NDUFS2: variants seen among roughly 807,000 people sequenced by gnomAD.
NDUFS2 encodes the protein NADH dehydrogenase [ubiquinone] iron-sulfur protein 2, mitochondrial.
NDUFS2 carries 38 observed loss-of-function variants against 69.6 expected under a neutral mutation model. That is an observed-to-expected ratio of 0.55 (90% CI 0.42 to 0.72). The LOEUF (loss-of-function observed/expected upper bound fraction) is 0.72, where lower values mean the gene tolerates loss of function less well. Ranked by LOEUF, NDUFS2 falls within the 30% of genes least tolerant of loss-of-function variation. The probability of loss-of-function intolerance (pLI) is 0.00; values close to 1 mark genes in which losing one functional copy is unlikely to be tolerated. For missense variants in NDUFS2, 468 were observed against 595.0 expected (o/e 0.79, Z 2.22); for synonymous variants, 194 against 211.2 (o/e 0.92, Z 0.70).
At chr1:161,198,239 C>A (rs780270695), upstream of NDUFS2, 14 of 1,613,956 alleles carry the variant, frequency 8.7e-6, no homozygotes, top group African/African-American at 1.9e-4. The surrounding 1 kb of genome is among the most constrained non-coding windows in gnomAD (Gnocchi z 4.7). Context: ...ATTGATGGTG[C>A]CAGTCAGGTA....
intron 6 of NDUFS2, 54 bp from the exon 7 acceptor site, chr1:161,210,057 C>T: frequency 1.3e-6 from 2 of 1,595,208 alleles, no homozygotes; most frequent in Non-Finnish European, 1.7e-6. Context: ...GCTGAGAGGG[C>T]TCTCCTTAGT....
chr1:161,210,289 T>C lies in NDUFS2; in HGVS notation c.781-15T>C, dbSNP rs1203951946. 1 of 1,612,916 alleles carries C rather than the reference T, an allele frequency of 6.2e-7. No homozygotes were observed. Among genetic ancestry groups the C allele is most frequent in the Admixed American group, 1.7e-5 (1 of 60,022 alleles). On this transcript the variant is annotated splice_polypyrimidine_tract_variant and intron_variant, in intron 7 of 13. Coordinates refer to ENST00000676972, the MANE Select transcript of NDUFS2 (RefSeq NM_001377299.1). ...TGAGGAAGAGTATTAACACACCAGT[T>C]TTCTTGATCAATAGTTGCTGACCAA...
intron 1 of NDUFS2, among the ~76,000 whole-genome samples, chr1:161,202,807 A>T (rs1665219299): frequency 6.6e-6 from 1 of 152,190 alleles, no homozygotes. Flanking sequence ...ACCTTGAACA[A>T]ACACTTTTCT....
rs1665817524 is a variant in NDUFS2, at chr1:161,212,357, G to A, written c.993G>A (p.Leu331=). 1 of 1,613,328 alleles carries A rather than the reference G, an allele frequency of 6.2e-7. No individual in the cohort carries two copies. Among genetic ancestry groups the A allele is most frequent in the Admixed American group, 1.7e-5 (1 of 59,968 alleles). The change falls in exon 10 of 14, where the codon CTG becomes CTA. Residue 331 remains leucine (L), a synonymous_variant. Coordinates refer to ENST00000676972, the MANE Select transcript of NDUFS2 (RefSeq NM_001377299.1). The part of the protein sequence containing the change: ...GSRGDCYDRY[L]CRVEEMRQSL... Reference sequence around the variant, plus strand: ...TCTGTCTCATCTTCTTGAGGTACCTGTGCCGGGTGGAGGAGATGCGCCAGT... The same window carrying A: ...TCTGTCTCATCTTCTTGAGGTACCTATGCCGGGTGGAGGAGATGCGCCAGT...
At chr1:161,210,492 A>T in intron 8 of NDUFS2, 99 bp from the exon 9 acceptor site, 7 of 1,605,914 alleles carry the variant, frequency 4.4e-6, no homozygotes, top group Non-Finnish European at 6.0e-6. Context: ...TCCTAGTCAT[A>T]CCCTGAATGT....
chr1:161,207,726 C>T (rs1465082954), intron 3 of NDUFS2, among the ~76,000 whole-genome samples: 1 of 146,354 alleles, frequency 6.8e-6, no homozygotes, highest in Non-Finnish European at 1.5e-5. Context: ...AAGACTGTGT[C>T]TCAAAAAAAA....
At position 161,214,383 on chromosome 1, in the gene NDUFS2, C is replaced by T. The variant is rs1432504869; in HGVS notation, c.*190C>T. The T allele has an allele frequency of 1.6e-6, 1 of 643,858 alleles. No individual in the cohort carries two copies. The highest frequency in any genetic ancestry group is 2.7e-6 in the Non-Finnish European group (1 of 365,976). The allele number at this position is 643,858 out of a possible 1,614,324, so 39.9% of individuals were successfully genotyped here. On this transcript the variant is annotated 3_prime_UTR_variant, in exon 14 of 14. Coordinates refer to ENST00000676972, the MANE Select transcript of NDUFS2 (RefSeq NM_001377299.1). ...TATAATAAATTAGCCGTCTTGCGGC[C>T]CCTAGGCCTAAACTTCTGGTATCTT...
upstream of NDUFS2, chr1:161,202,030 G>C (rs1665153204): frequency 2.5e-6 from 1 of 402,620 alleles, no homozygotes; most frequent in Admixed American, 3.6e-5. Flanking sequence ...CGGCCAAGGC[G>C]GAAGGGAGTA....
rs1211751012 is a variant in NDUFS2 at position 161,214,343 on chromosome 1, T to C, written c.*150T>C. 1.3e-6 allele frequency: 1 copy of C among 785,524 alleles called. No individual in the cohort carries two copies. 48.7% of individuals were successfully genotyped at this position (785,524 alleles called of 1,614,324 possible). ...GCTGTCAGGCTTTCTGTGCATGTAC[T>C]AAAAAAGGAGAAATTATAATAAATT... On this transcript the variant is annotated 3_prime_UTR_variant, in exon 14 of 14. Coordinates refer to ENST00000676972, the MANE Select transcript of NDUFS2 (RefSeq NM_001377299.1).
chr1:161,202,163 C>G (rs74124661), upstream of NDUFS2: 849 of 600,010 alleles, frequency 1.4e-3, 5 homozygotes, highest in African/African-American at 0.014. Context: ...CAGCCAGGAG[C>G]TGTGGGAGGA....
chr1:161,206,724 T>C, intron 3 of NDUFS2, 127 bp downstream of exon 3: 1 of 1,022,088 alleles, frequency 9.8e-7, no homozygotes, highest in Non-Finnish European at 1.4e-6. Context: ...TTGAGATTAC[T>C]CTTGGTTGGG....
chr1:161,206,356 G>A, intron 2 of NDUFS2, 51 bp from the exon 3 acceptor site: 2 of 1,591,206 alleles, frequency 1.3e-6, no homozygotes, highest in African/African-American at 1.3e-5. Context: ...TATCTTTTGG[G>A]GGATCCCAAG....
At position 161,209,580 on chromosome 1, in the gene NDUFS2, T is replaced by G. The variant is rs1665657970; in HGVS notation, c.612T>G (p.Phe204Leu). 6.2e-7 allele frequency: 1 copy of G among 1,611,514 alleles called. No individual in the cohort carries two copies. Residue 204 changes from phenylalanine to leucine, a missense_variant, in exon 5 of 14, where the codon TTT becomes TTG. Phe to Leu is a conservative substitution (Grantham distance 22). Around this residue, in one of 3 missense-constraint regions of NDUFS2, gnomAD observed 339 missense variants for 433.8 expected, o/e 0.78. Coordinates refer to ENST00000676972, the MANE Select transcript of NDUFS2 (RefSeq NM_001377299.1). The stretch of plus-strand genomic sequence containing the variant: ...CCATGACCCCTTTCTTCTGGCTGTT[T>G]GAAGAAAGGGAGAAGGTAAGAGTGG... ...LGAMTPFFWLFEEREKMFEFY... is the reference protein window; with the variant it reads ...LGAMTPFFWLLEEREKMFEFY...
At position 161,210,208 on chromosome 1, in the gene NDUFS2, G is replaced by GA. The variant is rs1459008053; in HGVS notation, c.780+25dup. 6 of 1,613,328 alleles carry GA rather than the reference G, an allele frequency of 3.7e-6. No individual in the cohort carries two copies. The highest frequency in any genetic ancestry group is 5.1e-6 in the Non-Finnish European group (6 of 1,179,452). On this transcript the variant is annotated intron_variant, in intron 7 of 13. Transcript: ENST00000676972. ...GAGGAGGTAAGCTAGGAGTCAATGG[G>GA]AAAAATCTCTCCCCCACAAGAAGGG...
Position 161,203,423 on chromosome 1 carries a change from C to G in NDUFS2, c.96-14C>G. On this transcript the variant is annotated splice_polypyrimidine_tract_variant and intron_variant, in intron 1 of 13. Transcript: ENST00000676972. ...TTCAGGCCCTTTGTCTAGGATCTGTCTTTGACTCCCCAGAGGTGTTCGGCA... is the reference window on the plus strand; with the variant it reads ...TTCAGGCCCTTTGTCTAGGATCTGTGTTTGACTCCCCAGAGGTGTTCGGCA... 1 of 1,611,950 alleles carries G rather than the reference C, an allele frequency of 6.2e-7. No homozygotes were observed. The highest frequency in any genetic ancestry group is 8.5e-7 in the Non-Finnish European group (1 of 1,178,028).
At chr1:161,198,366 A>C, upstream of NDUFS2, 1 of 1,613,024 alleles carries the variant, frequency 6.2e-7, no homozygotes, top group Non-Finnish European at 8.5e-7. This position sits in a 1 kb window ranked among gnomAD's most constrained non-coding sequence, Gnocchi z 4.7. Flanking sequence ...GTCTCCCCAA[A>C]GGCCTGCAAG....
At position 161,209,704 on chromosome 1, in the gene NDUFS2, G is replaced by A. The variant is rs891666810; in HGVS notation, c.627+109G>A. 21 of 1,238,298 alleles carry A rather than the reference G, an allele frequency of 1.7e-5. No individual in the cohort carries two copies. The South Asian group carries it at 2.4e-4, about 14-fold the overall frequency. 76.7% of individuals were successfully genotyped at this position (1,238,298 alleles called of 1,614,324 possible). On this transcript the variant is annotated intron_variant, in intron 5 of 13. Coordinates refer to ENST00000676972, the MANE Select transcript of NDUFS2 (RefSeq NM_001377299.1). The stretch of plus-strand genomic sequence containing the variant: ...GAGAGAGAACATGGGAGAACATTTA[G>A]AGGGGGAAGGTATGTTTAACTTGGG...
At chr1:161,201,760 G>A (rs1482285039), upstream of NDUFS2, among the ~76,000 whole-genome samples, 2 of 152,102 alleles carry the variant, frequency 1.3e-5, no homozygotes, top group Non-Finnish European at 2.9e-5. Context: ...TACACACCCC[G>A]ACACTCCCCT....
chr1:161,198,898 T>G (rs780937929), upstream of NDUFS2: 84 of 416,922 alleles, frequency 2.0e-4, no homozygotes, highest in Admixed American at 8.0e-5. This position sits in a 1 kb window ranked among gnomAD's most constrained non-coding sequence, Gnocchi z 4.7. Flanking sequence ...CTGTGTCTTC[T>G]GCAGCTTCTC....
Sources: gnomAD v4.1 joint callset for allele counts (sites outside exome capture counted in the v4.1 genomes callset) on GRCh38, gnomAD v4.1.1 for gene constraint, gnomAD v4.1.1 regional missense constraint, Gnocchi (gnomAD v3.1) non-coding constraint, MANE v1.5 for transcripts, NCBI Gene and HGNC (gene_info 2026-07-23, HGNC 2026-07-21) for gene names.